The following N4BP2L2 variants were observed in gnomAD, a reference collection of about 807,000 sequenced individuals.
N4BP2L2 encodes NEDD4 binding protein 2 like 2.
Under a neutral mutation model 56.2 loss-of-function variants are expected in N4BP2L2, and 50 were observed. The ratio of observed to expected loss-of-function variants is 0.89; its 90% CI spans 0.71 to 1.13. The LOEUF (loss-of-function observed/expected upper bound fraction) is 1.13. N4BP2L2 is among the 50% of genes most tolerant of loss of function. The probability of loss-of-function intolerance (pLI) is 0.00; values close to 1 mark genes in which losing one functional copy is unlikely to be tolerated. For synonymous variants in N4BP2L2, 203 were observed against 223.6 expected (o/e 0.91, Z 0.82); for missense variants, 689 against 693.8 (o/e 0.99, Z 0.08).
chr13:32,442,461 G>A (rs2076533153), exon 7 of N4BP2L2: 1 of 1,612,776 alleles, frequency 6.2e-7, no homozygotes, highest in African/African-American at 1.3e-5. Flanking sequence ...GTAGCTCAAG[G>A]GAACGGTAGT....
At chr13:32,436,067 C>A (rs147727538) in intron 9 of N4BP2L2, among the ~76,000 whole-genome samples, 2 of 152,206 alleles carry the variant, frequency 1.3e-5, no homozygotes, top group Non-Finnish European at 1.5e-5. Flanking sequence ...GGGGAAATGT[C>A]TCATAAATTG....
chr13:32,536,557 C>T, exon 2 of N4BP2L2: 1 of 1,613,840 alleles, frequency 6.2e-7, no homozygotes. Context: ...ATTTCTGTTT[C>T]TCTTTTTGTC....
chr13:32,491,209 A>G (rs2086990454), intron 6 of N4BP2L2, among the ~76,000 whole-genome samples: 1 of 152,124 alleles, frequency 6.6e-6, no homozygotes, highest in Non-Finnish European at 1.5e-5. Context: ...CTCTTCCTGC[A>G]TGGTTATTGC....
intron 6 of N4BP2L2, chr13:32,446,390 A>G (rs770830048): frequency 7.3e-7 from 1 of 1,365,280 alleles, no homozygotes; most frequent in East Asian, 4.6e-5. Flanking sequence ...GTTGCAGTCC[A>G]AGGTGCAATG....
At chr13:32,510,474 AT>A (rs2047862204) in exon 6 of N4BP2L2, 1 of 151,794 alleles carries the variant, frequency 6.6e-6, no homozygotes, top group Non-Finnish European at 1.5e-5. Flanking sequence ...ACATTTAAAC[AT>A]TAAATAGTAT....
At chr13:32,519,871 T>C (rs1399385764) in intron 5 of N4BP2L2, among the ~76,000 whole-genome samples, 15 of 152,312 alleles carry the variant, frequency 9.8e-5, no homozygotes, top group African/African-American at 7.2e-5. Flanking sequence ...AAATAATAAA[T>C]TTTAACAATT....
chr13:32,530,955 G>C (rs2054601906), intron 2 of N4BP2L2, among the ~76,000 whole-genome samples: 1 of 150,722 alleles, frequency 6.6e-6, no homozygotes. Flanking sequence ...CTTTCACTTT[G>C]AAAGAAATCA....
intron 6 of N4BP2L2, among the ~76,000 whole-genome samples, chr13:32,493,939 G>A (rs2087814334): frequency 6.6e-6 from 1 of 152,176 alleles, no homozygotes; most frequent in African/African-American, 2.4e-5. Flanking sequence ...TAAGCGGTAA[G>A]TTATTTTATC....
exon 10 of N4BP2L2, chr13:32,432,683 C>T (rs553115710): frequency 6.6e-6 from 1 of 152,272 alleles, no homozygotes; most frequent in Non-Finnish European, 1.5e-5. Context: ...AATCCTAATG[C>T]AGTTTTAAAA....
chr13:32,502,507 ATAAGAACTATTT>A (rs1276474667), intron 6 of N4BP2L2, among the ~76,000 whole-genome samples: 1 of 152,222 alleles, frequency 6.6e-6, no homozygotes, highest in Non-Finnish European at 1.5e-5. Context: ...TAAGACTAAA[ATAAGAACTATTT>A]CAGCTGAAAC....
chr13:32,532,296 TA>T (rs923054835), intron 2 of N4BP2L2, among the ~76,000 whole-genome samples: 3 of 152,178 alleles, frequency 2.0e-5, no homozygotes, highest in Non-Finnish European at 4.4e-5. Context: ...TTTCATTTAT[TA>T]GGGGGTAAGA....
At chr13:32,465,902 T>C (rs1192642458) in intron 6 of N4BP2L2, among the ~76,000 whole-genome samples, 2 of 152,216 alleles carry the variant, frequency 1.3e-5, no homozygotes, top group African/African-American at 4.8e-5. Context: ...TCCACCCGCC[T>C]CGGCCTCCCA....
chr13:32,522,150 A>C lies in N4BP2L2; in HGVS notation c.1473+32T>G, dbSNP rs576672187. ...AATGTGAAAAAATTGACAAGAATAAAAAATAAAAACTTTCTCATGTTTCAT... is the reference window on the plus strand; with the variant it reads ...AATGTGAAAAAATTGACAAGAATAACAAATAAAAACTTTCTCATGTTTCAT... On this transcript the variant is annotated intron_variant, in intron 4 of 5. Transcript: ENST00000267068. The C allele has an allele frequency of 2.2e-6, 3 of 1,394,506 alleles. No individual in the cohort carries two copies. In the South Asian group the frequency reaches 4.0e-5, roughly 18 times the overall value. 86.4% of individuals were successfully genotyped at this position (1,394,506 alleles called of 1,614,324 possible).
intron 6 of N4BP2L2, among the ~76,000 whole-genome samples, chr13:32,456,048 G>A (rs1317669285): frequency 1.3e-5 from 2 of 152,206 alleles, no homozygotes; most frequent in African/African-American, 4.8e-5. Flanking sequence ...CCTGGCACCT[G>A]AGCAAGTGCC....
chr13:32,469,351 G>C (rs1021405093), intron 6 of N4BP2L2, among the ~76,000 whole-genome samples: 2 of 152,168 alleles, frequency 1.3e-5, no homozygotes, highest in African/African-American at 4.8e-5. Context: ...TGTGGAGATG[G>C]AACTGAAGCA....
At chr13:32,443,659 A>G (rs1378820840) in exon 7 of N4BP2L2, 4 of 1,611,140 alleles carry the variant, frequency 2.5e-6, no homozygotes, top group East Asian at 2.2e-5. Flanking sequence ...TTCTACCTTC[A>G]TGCCAGAGCA....
chr13:32,501,955 G>A (rs2090090118), intron 6 of N4BP2L2, among the ~76,000 whole-genome samples: 1 of 151,604 alleles, frequency 6.6e-6, no homozygotes, highest in Non-Finnish European at 1.5e-5. Context: ...ATAACAAATT[G>A]TTTTGAGCAA....
At chr13:32,514,032 C>A (rs1361711752) in exon 6 of N4BP2L2, 1 of 152,100 alleles carries the variant, frequency 6.6e-6, no homozygotes, top group Non-Finnish European at 1.5e-5. Context: ...ACTTTCAAAA[C>A]TTATCTATAC....
At chr13:32,439,739 G>A (rs1186349213) in intron 7 of N4BP2L2, among the ~76,000 whole-genome samples, 1 of 151,860 alleles carries the variant, frequency 6.6e-6, no homozygotes, top group Non-Finnish European at 1.5e-5. Context: ...TAGGCTGGGC[G>A]TGGTGGCTCA....
Sources: gnomAD v4.1 joint callset for allele counts (sites outside exome capture counted in the v4.1 genomes callset) on GRCh38, gnomAD v4.1.1 for gene constraint, MANE v1.5 for transcripts, NCBI Gene and HGNC (gene_info 2026-07-23, HGNC 2026-07-21) for gene names.